Variants in GAB4 observed in about 807,000 individuals in gnomAD.
GAB4 encodes GRB2-associated-binding protein 4.
Under a neutral mutation model 51.3 loss-of-function variants are expected in GAB4, and 26 were observed. The ratio of observed to expected loss-of-function variants is 0.51; its 90% CI spans 0.37 to 0.70. GAB4 has a LOEUF of 0.70. Among genes scored for constraint, GAB4 ranks in the 30% least tolerant of loss-of-function variants. The pLI is 0.00. For missense variants in GAB4, 759 were observed against 734.6 expected (o/e 1.03, Z -0.38); for synonymous variants, 329 against 291.2 (o/e 1.13, Z -1.32).
chr22:17,000,141 T>C (rs1173205469), intron 1 of GAB4, among the ~76,000 whole-genome samples: 1 of 152,214 alleles, frequency 6.6e-6, no homozygotes, highest in Non-Finnish European at 1.5e-5. Context: ...GAGAGTTCTG[T>C]AGATGTCTAT....
chr22:17,007,987 C>A lies in GAB4; in HGVS notation c.128G>T (p.Ser43Ile), dbSNP rs1442667361. The A allele has an allele frequency of 1.9e-6, 3 of 1,612,238 alleles. No individual in the cohort carries two copies. Among genetic ancestry groups the A allele is most frequent in the Non-Finnish European group, 2.5e-6 (3 of 1,179,250 alleles). The change falls in exon 1 of 10, where the codon AGC becomes ATC. Residue 43 changes from serine (S) to isoleucine (I), a missense_variant. By Grantham distance (142) the Ser-to-Ile change is moderately radical (BLOSUM62 -2). Transcript: ENST00000400588. ...GGGGGGCGACTTCCTCAGCCAGCCG[C>A]TGTACAGCACGTGGCCACTTCTCGT... ...GSTRSGHVLY[S>I]GWLRKSPPEK...
intron 2 of GAB4, among the ~76,000 whole-genome samples, chr22:16,990,158 G>C (rs533780996): frequency 6.6e-6 from 1 of 152,152 alleles, no homozygotes; most frequent in Non-Finnish European, 1.5e-5. Context: ...TCCACAGTGC[G>C]CTGCATCCTT....
intron 3 of GAB4, among the ~76,000 whole-genome samples, chr22:16,978,930 C>T (rs1182028122): frequency 6.6e-6 from 1 of 152,102 alleles, no homozygotes. Context: ...ATGACAAAAA[C>T]CACATGATTA....
chr22:16,962,892 T>G lies in GAB4; in HGVS notation c.1582-16A>C, dbSNP rs1392147521. The G allele has an allele frequency of 1.2e-6, 2 of 1,605,484 alleles. No individual in the cohort carries two copies. Among genetic ancestry groups the G allele is most frequent in the Non-Finnish European group, 8.5e-7 (1 of 1,174,260 alleles). On this transcript the variant is annotated splice_polypyrimidine_tract_variant and intron_variant, in intron 9 of 9. Transcript: ENST00000400588. ...CTATGGATGGCTGAGGGACAGAGGGTGGAAGTGGGAGTGGCAGTGTCTGTG... is the reference window on the plus strand; with the variant it reads ...CTATGGATGGCTGAGGGACAGAGGGGGGAAGTGGGAGTGGCAGTGTCTGTG...
chr22:16,967,361 G>C (rs1185878445), intron 5 of GAB4: 4 of 153,000 alleles, frequency 2.6e-5, no homozygotes, highest in South Asian at 2.1e-4. Flanking sequence ...AGGCAGCACA[G>C]ACCATGCACC....
intron 1 of GAB4, among the ~76,000 whole-genome samples, chr22:16,996,463 CCAT>C (rs1306536381): frequency 9.9e-5 from 15 of 152,108 alleles, no homozygotes; most frequent in African/African-American, 2.7e-4. Context: ...AAGACCACCA[CCAT>C]GATACTCCTC....
intron 4 of GAB4, chr22:16,969,652 T>C (rs1248024580): frequency 4.7e-6 from 3 of 645,156 alleles, no homozygotes; most frequent in Non-Finnish European, 8.3e-6. Flanking sequence ...GGAAGGGTAT[T>C]CCGCCTGGGG....
chr22:17,001,785 C>A (rs532933274), intron 1 of GAB4, among the ~76,000 whole-genome samples: 2 of 152,212 alleles, frequency 1.3e-5, no homozygotes, highest in East Asian at 3.9e-4. Flanking sequence ...GGCAGGTAGG[C>A]CTCCTTGAAC....
chr22:16,964,330 G>A (rs945463896), intron 8 of GAB4, among the ~76,000 whole-genome samples: 11 of 152,188 alleles, frequency 7.2e-5, no homozygotes, highest in African/African-American at 2.7e-4. Context: ...TATCTATGCA[G>A]CAACTATCAA....
intron 3 of GAB4, among the ~76,000 whole-genome samples, chr22:16,985,072 T>C (rs891552730): frequency 2.0e-5 from 3 of 152,242 alleles, no homozygotes; most frequent in African/African-American, 7.2e-5. Flanking sequence ...GTACTTTGTA[T>C]GTGTCCAGAG....
intron 3 of GAB4, among the ~76,000 whole-genome samples, chr22:16,971,212 G>T (rs1183247273): frequency 6.6e-6 from 1 of 152,122 alleles, no homozygotes; most frequent in Non-Finnish European, 1.5e-5. Context: ...AAAAAGTTTT[G>T]AATTATTAAA....
In GAB4 at chr22:16,968,361, C is replaced by T. The variant is rs997122320; in HGVS notation, c.960G>A (p.Gln320=). The T allele has an allele frequency of 1.2e-6, 2 of 1,613,886 alleles. No individual in the cohort carries two copies. Among genetic ancestry groups the T allele is most frequent in the Admixed American group, 3.3e-5 (2 of 60,004 alleles). ...DNEASSGKYT[Q]HGGGNASRPA... ...GCCGGCTGGCATTCCCTCCACCATGCTGGGTGTACTTGCCGGAGGAAGCTA... is the reference window on the plus strand; with the variant it reads ...GCCGGCTGGCATTCCCTCCACCATGTTGGGTGTACTTGCCGGAGGAAGCTA... Residue 320 remains glutamine, a synonymous_variant, in exon 5 of 10, where the codon CAG becomes CAA. Transcript: ENST00000400588.
At chr22:16,977,767 A>G (rs537429317) in intron 3 of GAB4, among the ~76,000 whole-genome samples, 31 of 152,332 alleles carry the variant, frequency 2.0e-4, no homozygotes, top group African/African-American at 7.5e-4. Context: ...AAAATTGACC[A>G]CATAATTGGA....
intron 2 of GAB4, 24 bp from the exon 3 acceptor site, chr22:16,988,191 G>A (rs1460062142): frequency 1.9e-6 from 3 of 1,552,236 alleles, no homozygotes; most frequent in Non-Finnish European, 1.8e-6. Flanking sequence ...AGGAAGGAAG[G>A]GCATCCTTGT....
At chr22:16,999,035 G>A (rs2060974021) in intron 1 of GAB4, among the ~76,000 whole-genome samples, 3 of 152,212 alleles carry the variant, frequency 2.0e-5, no homozygotes, top group Non-Finnish European at 2.9e-5. Flanking sequence ...TGCTGGGTTC[G>A]GTTTGCCACT....
At chr22:16,977,719 T>G (rs2060791110) in intron 3 of GAB4, among the ~76,000 whole-genome samples, 1 of 152,198 alleles carries the variant, frequency 6.6e-6, no homozygotes, top group Non-Finnish European at 1.5e-5. Flanking sequence ...CAACAGAATA[T>G]ACATTCTTCT....
chr22:16,973,171 C>T lies in GAB4; in HGVS notation c.687-2978G>A, dbSNP rs563962164. ...ATAACCAATCACCTGCATAACTGTTCTTGGAGCAGCAGCAAATTGCTATCT... is the reference window on the plus strand; with the variant it reads ...ATAACCAATCACCTGCATAACTGTTTTTGGAGCAGCAGCAAATTGCTATCT... On this transcript the variant is annotated intron_variant, in intron 3 of 9. Transcript: ENST00000400588. 5.9e-5 allele frequency among the ~76,000 whole-genome samples: 9 copies of T among 152,318 alleles called. No individual in the cohort carries two copies. The East Asian group carries it at 1.7e-3, about 29-fold the overall frequency.
At chr22:16,977,348 C>CA (rs201592274) in intron 3 of GAB4, among the ~76,000 whole-genome samples, 3,334 of 112,324 alleles carry the variant, frequency 0.03, 109 homozygotes, top group African/African-American at 0.08. Flanking sequence ...AAATGGAAAG[C>CA]AAAAAAAAAA....
At chr22:16,990,280 A>T (rs147601615) in intron 2 of GAB4, among the ~76,000 whole-genome samples, 1 of 152,320 alleles carries the variant, frequency 6.6e-6, no homozygotes, top group Non-Finnish European at 1.5e-5. Flanking sequence ...CTAGTAAAAT[A>T]CCAACCTCTT....
Sources: allele counts gnomAD v4.1 joint callset (sites outside exome capture counted in the v4.1 genomes callset), GRCh38; gene constraint gnomAD v4.1.1; transcripts MANE v1.5; gene names NCBI Gene and HGNC (gene_info 2026-07-23, HGNC 2026-07-21).